PRDM10: variants seen among roughly 807,000 people sequenced by gnomAD.
PRDM10 encodes PR domain zinc finger protein 10.
A neutral mutation model predicts 133.1 loss-of-function variants in PRDM10; 65 were observed. The ratio of observed to expected loss-of-function variants is 0.49; its 90% CI spans 0.40 to 0.60. The LOEUF is 0.60. PRDM10 is among the 20% of genes least tolerant of loss of function. The pLI is 0.00. For missense variants in PRDM10, 1,137 were observed against 1,507.1 expected (o/e 0.75, Z 4.07); for synonymous variants, 582 against 580.4 (o/e 1.00, Z -0.04).
intron 1 of PRDM10, among the ~76,000 whole-genome samples, chr11:129,978,092 C>T (rs971132307): frequency 6.6e-6 from 1 of 151,530 alleles, no homozygotes; most frequent in Non-Finnish European, 1.5e-5. Flanking sequence ...TTTTGCTTTT[C>T]GGTTAAGCCA....
chr11:129,933,805 C>G (rs1167725318), intron 9 of PRDM10, among the ~76,000 whole-genome samples: 1 of 152,134 alleles, frequency 6.6e-6, no homozygotes, highest in Non-Finnish European at 1.5e-5. Flanking sequence ...GTGTCCACCC[C>G]CTCCTTAGAC....
intron 19 of PRDM10, among the ~76,000 whole-genome samples, chr11:129,907,560 A>G (rs1426567060): frequency 6.6e-6 from 1 of 151,892 alleles, no homozygotes; most frequent in Non-Finnish European, 1.5e-5. Flanking sequence ...GCGCACTACC[A>G]TGCCCAGCTA....
In PRDM10 at chr11:129,943,045, G is replaced by A. The variant is rs182749289; in HGVS notation, c.763-416C>T. Among the ~76,000 whole-genome samples the A allele has an allele frequency of 7.9e-5, 12 of 152,262 alleles. No homozygotes were observed. In the East Asian group the frequency reaches 2.1e-3, roughly 27 times the overall value. On this transcript the variant is annotated intron_variant, in intron 6 of 20. Transcript: ENST00000360871. Reference sequence around the variant, plus strand: ...TCTTTACAAAGTAATATTCTTGCTAGGAGATTTTGAGAACACAAAGAAAAT... The same window carrying A: ...TCTTTACAAAGTAATATTCTTGCTAAGAGATTTTGAGAACACAAAGAAAAT...
At chr11:129,943,993 A>T (rs1951305227) in intron 6 of PRDM10, among the ~76,000 whole-genome samples, 1 of 152,126 alleles carries the variant, frequency 6.6e-6, no homozygotes, top group Non-Finnish European at 1.5e-5. Flanking sequence ...TCCATCTCAA[A>T]AAATAAATAA....
chr11:129,914,475 G>A, intron 17 of PRDM10: 1 of 629,036 alleles, frequency 1.6e-6, no homozygotes, highest in East Asian at 2.9e-5. Context: ...CAGGAGGCTT[G>A]TATATGCTGG....
chr11:129,915,973 A>C, intron 15 of PRDM10, 113 bp from the exon 16 acceptor site: 2 of 951,074 alleles, frequency 2.1e-6, no homozygotes, highest in Non-Finnish European at 3.0e-6. Context: ...TGTAGCCCCA[A>C]ATAAAATATA....
At chr11:129,987,776 A>G (rs770142169) in intron 1 of PRDM10, among the ~76,000 whole-genome samples, 4 of 152,176 alleles carry the variant, frequency 2.6e-5, no homozygotes, top group Admixed American at 6.6e-5. Flanking sequence ...CGAGGCAGGC[A>G]GATCACGAGG....
At chr11:129,971,035 A>G (rs1467945425) in intron 1 of PRDM10, among the ~76,000 whole-genome samples, 1 of 152,080 alleles carries the variant, frequency 6.6e-6, no homozygotes, top group East Asian at 1.9e-4. Context: ...ACAGCTCTTA[A>G]GGTGGCACGT....
Position 129,900,002 on chromosome 11 carries a change from A to T in PRDM10, c.*2311T>A, listed in dbSNP as rs1490018699. The T allele has an allele frequency of 6.5e-6, 1 of 152,674 alleles. No individual in the cohort carries two copies. Among genetic ancestry groups the T allele is most frequent in the African/African-American group, 2.4e-5 (1 of 41,466 alleles). 9.5% of individuals were successfully genotyped at this position (152,674 alleles called of 1,614,324 possible). ...AGAATAACAGGAATTTTACATGATG[A>T]AATGTCTATTTCTGTCGGTACAAAT... On this transcript the variant is annotated 3_prime_UTR_variant, in exon 21 of 21. Coordinates refer to ENST00000360871, the MANE Select transcript of PRDM10 (RefSeq NM_199437.2).
chr11:129,986,905 C>T (rs887920833), intron 1 of PRDM10, among the ~76,000 whole-genome samples: 5 of 152,150 alleles, frequency 3.3e-5, no homozygotes, highest in Middle Eastern at 3.2e-3. Context: ...ACACCTGGCC[C>T]ATAGGAACAC....
At chr11:129,916,304 T>C (rs1156247694) in intron 15 of PRDM10, among the ~76,000 whole-genome samples, 1 of 152,206 alleles carries the variant, frequency 6.6e-6, no homozygotes, top group Admixed American at 6.5e-5. Context: ...TAGTGGGGAA[T>C]CTATGTTAAA....
At chr11:129,975,267 A>G (rs1937696504) in intron 1 of PRDM10, among the ~76,000 whole-genome samples, 1 of 152,022 alleles carries the variant, frequency 6.6e-6, no homozygotes, top group Non-Finnish European at 1.5e-5. Flanking sequence ...TGTCTACTAA[A>G]AATACAAAAA....
intron 1 of PRDM10, among the ~76,000 whole-genome samples, chr11:129,976,946 T>C (rs1338782322): frequency 6.6e-6 from 1 of 152,034 alleles, no homozygotes; most frequent in Non-Finnish European, 1.5e-5. Flanking sequence ...TGAGAAAAGA[T>C]AAAAATGACT....
chr11:129,955,285 T>A (rs1951675747), intron 4 of PRDM10, among the ~76,000 whole-genome samples: 2 of 152,250 alleles, frequency 1.3e-5, no homozygotes, highest in South Asian at 2.1e-4. Context: ...TTTTAAAAAA[T>A]TTCTCTGACA....
At chr11:129,940,665 G>A (rs1951178067) in intron 7 of PRDM10, among the ~76,000 whole-genome samples, 1 of 152,212 alleles carries the variant, frequency 6.6e-6, no homozygotes, top group African/African-American at 2.4e-5. Context: ...AACACATCAT[G>A]TAGGTATTAA....
chr11:130,001,639 C>T (rs943864800), intron 1 of PRDM10, among the ~76,000 whole-genome samples: 5 of 152,138 alleles, frequency 3.3e-5, no homozygotes, highest in Admixed American at 1.3e-4. Flanking sequence ...GCTAAAGGCG[C>T]GCACACAAAT....
At position 129,944,762 on chromosome 11, in the gene PRDM10, A is replaced by C. The variant is rs769679920; in HGVS notation, c.762+9T>G. ...GGACAGGAGTGAAGTGTGATAGAGC[A>C]TAAATTACCTTGAGGTGAATGTAAC... On this transcript the variant is annotated intron_variant, in intron 6 of 20. Coordinates refer to ENST00000360871, the MANE Select transcript of PRDM10 (RefSeq NM_199437.2). 7 of 1,613,730 alleles carry C rather than the reference A, an allele frequency of 4.3e-6. No homozygotes were observed. The African/African-American group carries it at 6.7e-5, about 15-fold the overall frequency.
chr11:129,916,373 T>A (rs1454331604), intron 15 of PRDM10, among the ~76,000 whole-genome samples: 1 of 152,226 alleles, frequency 6.6e-6, no homozygotes, highest in East Asian at 1.9e-4. Context: ...GATGGCTGGG[T>A]GTGGTGGCTC....
intron 1 of PRDM10, among the ~76,000 whole-genome samples, chr11:129,981,098 TGACCTC>T (rs1208574658): frequency 6.6e-6 from 1 of 152,128 alleles, no homozygotes; most frequent in Non-Finnish European, 1.5e-5. Flanking sequence ...CTCCAACTCC[TGACCTC>T]AGGTGATCCG....
Sources: gnomAD v4.1 joint callset for allele counts (sites outside exome capture counted in the v4.1 genomes callset) on GRCh38, gnomAD v4.1.1 for gene constraint, MANE v1.5 for transcripts, NCBI Gene and HGNC (gene_info 2026-07-23, HGNC 2026-07-21) for gene names.